The following COL9A3 variants were observed in gnomAD, a reference collection of about 807,000 sequenced individuals.
The protein encoded by COL9A3 is collagen alpha-3(IX) chain.
COL9A3 carries 82 observed loss-of-function variants against 110.2 expected under a neutral mutation model. The ratio of observed to expected loss-of-function variants is 0.74; its 90% CI spans 0.62 to 0.89. The LOEUF (loss-of-function observed/expected upper bound fraction) is 0.89, where lower values mean the gene tolerates loss of function less well. Ranked by LOEUF, COL9A3 falls within the 40% of genes least tolerant of loss-of-function variation. COL9A3 has a pLI of 0.00. For synonymous variants in COL9A3, 494 were observed against 403.8 expected, an observed-to-expected ratio of 1.22 and a Z score of -2.68; for missense variants, 1,066 against 981.3, an observed-to-expected ratio of 1.09 and a Z score of -1.15.
chr20:62,823,366 C>T (rs1356780077), intron 10 of COL9A3, among the ~76,000 whole-genome samples: 3 of 152,184 alleles, frequency 2.0e-5, no homozygotes, highest in Non-Finnish European at 4.4e-5. Context: ...AAATGGGCTT[C>T]GGAGGCCACG....
chr20:62,821,466 C>T, intron 6 of COL9A3, 41 bp from the exon 7 acceptor site: 1 of 1,612,694 alleles, frequency 6.2e-7, no homozygotes, highest in Non-Finnish European at 8.5e-7. Flanking sequence ...CGCAGCCCTT[C>T]TTGTGCCTGG....
intron 26 of COL9A3, among the ~76,000 whole-genome samples, chr20:62,833,935 A>G (rs1336879702): frequency 6.6e-6 from 1 of 151,824 alleles, no homozygotes; most frequent in Admixed American, 6.6e-5. Flanking sequence ...GCTGGAGTGC[A>G]GTGACGCCAT....
intron 26 of COL9A3, among the ~76,000 whole-genome samples, chr20:62,835,352 G>A (rs1222884748): frequency 6.6e-6 from 1 of 152,250 alleles, no homozygotes; most frequent in Admixed American, 6.5e-5. Flanking sequence ...GCCAAGAGGA[G>A]GTGCCAGAGA....
intron 5 of COL9A3, among the ~76,000 whole-genome samples, chr20:62,820,325 A>G: frequency 6.6e-6 from 1 of 151,816 alleles, no homozygotes; most frequent in East Asian, 1.9e-4. Flanking sequence ...CCGGGCACGC[A>G]GCCTGCAGAG....
At chr20:62,830,658 ATGACAGTCCCCCAAC>A in intron 24 of COL9A3, 70 bp downstream of exon 24, 1 of 251,922 alleles carries the variant, frequency 4.0e-6, no homozygotes, top group Non-Finnish European at 5.2e-6. Flanking sequence ...CCCCACCCCC[ATGACAGTCCCCCAAC>A]CCCCACCACA....
At chr20:62,835,302 G>A (rs988253023) in intron 26 of COL9A3, among the ~76,000 whole-genome samples, 1 of 152,178 alleles carries the variant, frequency 6.6e-6, no homozygotes, top group Admixed American at 6.5e-5. Context: ...ATCCATCGAG[G>A]GCCTCCCCAC....
rs199653123 is a variant in COL9A3, at chr20:62,819,283, C to T, written c.245C>T (p.Pro82Leu). The stretch of plus-strand genomic sequence containing the variant: ...GGAGAGGCTGGGCTGCCGGGACTGC[C>T]GGGTGTGGATGTGAGTGCGCCTGCC... ...KPGEAGLPGL[P>L]GVDGLTGRDG... The change falls in exon 4 of 32, where the codon CCG (proline) becomes CTG (leucine). Residue 82 changes from proline (P) to leucine (L), a missense_variant. Pro to Leu is a moderately conservative substitution (Grantham distance 98). Transcript: ENST00000649368. 233 of 1,610,710 alleles carry T rather than the reference C, an allele frequency of 1.4e-4. No homozygotes were observed. The highest frequency in any genetic ancestry group is 1.5e-4 in the Non-Finnish European group (172 of 1,179,514).
At chr20:62,825,042 C>G in intron 12 of COL9A3, 21 bp downstream of exon 12, 1 of 1,599,254 alleles carries the variant, frequency 6.3e-7, no homozygotes, top group Non-Finnish European at 8.5e-7. Flanking sequence ...CGCACAGCAG[C>G]TGGGGAGGAG....
In COL9A3 at chr20:62,817,158, G is replaced by A. The variant is rs1568745880; in HGVS notation, c.78+16G>A. ...CGGGGCGCAGGTGAGCGCGAGCTCC[G>A]GGCTCTGAGGCTGGACGTGGAGCCG... On this transcript the variant is annotated intron_variant, in intron 1 of 31. Transcript: ENST00000649368. The A allele has an allele frequency of 2.9e-6, 4 of 1,382,628 alleles. No homozygotes were observed. The highest frequency in any genetic ancestry group is 3.8e-6 in the Non-Finnish European group (4 of 1,061,932). 85.6% of individuals were successfully genotyped at this position (1,382,628 alleles called of 1,614,324 possible). A position where few individuals can be genotyped will look rare whatever the true frequency, so the allele number is the denominator to read the frequency against.
intron 21 of COL9A3, 35 bp downstream of exon 21, chr20:62,829,716 C>T: frequency 6.2e-7 from 1 of 1,600,502 alleles, no homozygotes; most frequent in Non-Finnish European, 8.5e-7. Context: ...CCCTCCCCAT[C>T]CAGCCTGTGT....
In COL9A3 at chr20:62,824,566, A is replaced by G. The variant is rs2063535763; in HGVS notation, c.576+65A>G. ...CTGGGCAGGAGGCAGCTGGGCTCCC[A>G]TGGGGCTGTGGAGGTGGCGGGTCCA... On this transcript the variant is annotated intron_variant, in intron 11 of 31. Coordinates refer to ENST00000649368, the MANE Select transcript of COL9A3 (RefSeq NM_001853.4). 3 of 1,492,394 alleles carry G rather than the reference A, an allele frequency of 2.0e-6. No homozygotes were observed. The Admixed American group carries it at 5.9e-5, about 29-fold the overall frequency. 92.4% of individuals were successfully genotyped at this position (1,492,394 alleles called of 1,614,324 possible). A position where few individuals can be genotyped will look rare whatever the true frequency, so the allele number is the denominator to read the frequency against.
chr20:62,835,086 C>T (rs927670287), intron 26 of COL9A3, among the ~76,000 whole-genome samples: 13 of 152,356 alleles, frequency 8.5e-5, no homozygotes, highest in South Asian at 4.1e-4. Flanking sequence ...CTCGCACGGT[C>T]GGGCTGTGTG....
At position 62,829,826 on chromosome 20, in the gene COL9A3, G is replaced by A. The variant is rs768834001; in HGVS notation, c.1161+7G>A. 4 of 1,563,322 alleles carry A rather than the reference G, an allele frequency of 2.6e-6. No individual in the cohort carries two copies. In the East Asian group the frequency reaches 9.4e-5, roughly 37 times the overall value. ...TGGCCACCGGGGCTCAGCGGTGAGTGCAGGGACATGGCCCGGGGTCGGGGG... is the reference window on the plus strand; with the variant it reads ...TGGCCACCGGGGCTCAGCGGTGAGTACAGGGACATGGCCCGGGGTCGGGGG... On this transcript the variant is annotated splice_region_variant and intron_variant, in intron 22 of 31. Transcript: ENST00000649368.
At chr20:62,820,573 C>T (rs1251259369) in intron 5 of COL9A3, among the ~76,000 whole-genome samples, 1 of 152,198 alleles carries the variant, frequency 6.6e-6, no homozygotes, top group Non-Finnish European at 1.5e-5. Flanking sequence ...GCCCTTGGGA[C>T]CCTTGGGAGC....
At chr20:62,818,193 C>A (rs2294986) in intron 2 of COL9A3, among the ~76,000 whole-genome samples, 3,151 of 152,250 alleles carry the variant, frequency 0.021, 112 homozygotes, top group East Asian at 0.14. Context: ...CCCCTCAGGG[C>A]CTGTCCACGC....
chr20:62,820,436 C>T (rs1028869263), intron 5 of COL9A3, among the ~76,000 whole-genome samples: 3 of 152,218 alleles, frequency 2.0e-5, no homozygotes, highest in African/African-American at 7.2e-5. Flanking sequence ...GAGTACAAAC[C>T]CGAAGCCAGC....
In COL9A3 at chr20:62,829,773, C is replaced by T. The variant is rs1199842368; in HGVS notation, c.1115C>T (p.Ala372Val). ...PSGEPGVPGD[A>V]GMPGERGEAG... Reference sequence around the variant, plus strand: ...TCCTTCCTTTCCCTGTAGGGAGATGCTGGCATGCCTGGGGAGCGCGGTGAG... The same window carrying T: ...TCCTTCCTTTCCCTGTAGGGAGATGTTGGCATGCCTGGGGAGCGCGGTGAG... The change falls in exon 22 of 32, where the codon GCT (alanine) becomes GTT (valine). Residue 372 changes from alanine (A) to valine (V), a missense_variant. Transcript: ENST00000649368. The T allele has an allele frequency of 1.9e-6, 3 of 1,590,390 alleles. No homozygotes were observed. Among genetic ancestry groups the T allele is most frequent in the East Asian group, 2.3e-5 (1 of 43,894 alleles).
At chr20:62,825,986 C>T (rs2147209052) in intron 13 of COL9A3, 116 bp downstream of exon 13, 1 of 1,262,192 alleles carries the variant, frequency 7.9e-7, no homozygotes, top group Non-Finnish European at 1.1e-6. Flanking sequence ...GTTTGGCCAA[C>T]ACCCAGGCAC....
At chr20:62,821,408 C>A in intron 6 of COL9A3, 99 bp from the exon 7 acceptor site, 1 of 1,523,220 alleles carries the variant, frequency 6.6e-7, no homozygotes, top group Non-Finnish European at 9.1e-7. Flanking sequence ...ATCCCTGGAA[C>A]CGCCCTTTCC....
Sources: allele counts gnomAD v4.1 joint callset (sites outside exome capture counted in the v4.1 genomes callset), GRCh38; gene constraint gnomAD v4.1.1; transcripts MANE v1.5; gene names NCBI Gene and HGNC (gene_info 2026-07-23, HGNC 2026-07-21).